B4GALNT3: variants seen among roughly 807,000 people sequenced by gnomAD.
The protein encoded by B4GALNT3 is beta-1,4-N-acetylgalactosaminyltransferase 3.
Under a neutral mutation model 120.2 loss-of-function variants are expected in B4GALNT3, and 86 were observed. The ratio of observed to expected loss-of-function variants is 0.72; its 90% confidence interval spans 0.60 to 0.86. The LOEUF is 0.86. Among genes scored for constraint, B4GALNT3 ranks in the 40% least tolerant of loss-of-function variants. The pLI, the probability that B4GALNT3 is intolerant of heterozygous loss-of-function variation, is 0.00. For missense variants in B4GALNT3, 1,167 were observed against 1,298.9 expected (o/e 0.90, Z 1.56); for synonymous variants, 518 against 510.4 (o/e 1.01, Z -0.20).
Position 554,746 on chromosome 12 carries a change from C to T in B4GALNT3, c.2060+763C>T, listed in dbSNP as rs185715949. 1.4e-3 allele frequency among the ~76,000 whole-genome samples: 162 copies of T among 114,462 alleles called. 8 individuals are homozygous for T. In the East Asian group the frequency reaches 0.04, roughly 28 times the overall value. The allele number at this position is 114,462 out of a possible 152,430, so 75.1% of individuals were successfully genotyped here. On this transcript the variant is annotated intron_variant, in intron 14 of 19. Coordinates refer to ENST00000266383, the MANE Select transcript of B4GALNT3 (RefSeq NM_173593.4). Reference sequence around the variant, plus strand: ...CGGAGCTTGCAGTGAGCTGAGATTGCGCCACTGCACTCCAGCCTGGGCGAC... The same window carrying T: ...CGGAGCTTGCAGTGAGCTGAGATTGTGCCACTGCACTCCAGCCTGGGCGAC...
intron 1 of B4GALNT3, among the ~76,000 whole-genome samples, chr12:472,337 G>C (rs1461029332): frequency 6.6e-6 from 1 of 152,212 alleles, no homozygotes; most frequent in Non-Finnish European, 1.5e-5. Context: ...CTGGAGTTTG[G>C]TGGCATGATC....
rs938611844 is a variant in B4GALNT3 at position 460,709 on chromosome 12, C to CG, written c.169+169dup. On this transcript the variant is annotated intron_variant, in intron 1 of 19. Transcript: ENST00000266383. This position sits in a 1 kb window ranked among gnomAD's most constrained non-coding sequence, Gnocchi z 8.0. ...GCGCGTACTCGGGGAGAGCTGCGGG[C>CG]GGGGGAAGCCGCGGGGCCGAGCGCA... Among the ~76,000 whole-genome samples the CG allele has an allele frequency of 5.9e-5, 9 of 151,982 alleles. No homozygotes were observed. The highest frequency in any genetic ancestry group is 1.2e-4 in the Non-Finnish European group (8 of 67,966).
At chr12:559,563 C>T (rs772360814) in intron 19 of B4GALNT3, 142 bp downstream of exon 19, 36 of 1,196,790 alleles carry the variant, frequency 3.0e-5, no homozygotes, top group Non-Finnish European at 4.0e-5. Flanking sequence ...CGGAGGACGC[C>T]CTCAAATCAC....
intron 1 of B4GALNT3, among the ~76,000 whole-genome samples, chr12:524,555 T>C (rs1035393862): frequency 6.6e-6 from 1 of 151,892 alleles, no homozygotes; most frequent in Non-Finnish European, 1.5e-5. Context: ...CTCAGGGCCA[T>C]ACCTCTTTCT....
intron 14 of B4GALNT3, chr12:555,318 T>G (rs1947139657): frequency 2.2e-6 from 1 of 456,388 alleles, no homozygotes; most frequent in Non-Finnish European, 4.4e-6. Flanking sequence ...TCCGGACATC[T>G]TATGCAAATG....
rs113976270 is a variant in B4GALNT3 at position 528,194 on chromosome 12, C to T, written c.170-6972C>T. The stretch of plus-strand genomic sequence containing the variant: ...ATTTTAACCTCTAAGCCTTCTTTTC[C>T]GGCTTATTCTATTAATTTTTAATTT... On this transcript the variant is annotated intron_variant, in intron 1 of 19. Transcript: ENST00000266383. 5.0e-3 allele frequency among the ~76,000 whole-genome samples: 765 copies of T among 152,138 alleles called. 5 individuals carry two copies. The highest frequency in any genetic ancestry group is 0.017 in the African/African-American group (716 of 41,480).
chr12:483,695 C>T (rs1245723432), intron 1 of B4GALNT3, among the ~76,000 whole-genome samples: 1 of 152,204 alleles, frequency 6.6e-6, no homozygotes, highest in Non-Finnish European at 1.5e-5. Context: ...GAGACCCTGT[C>T]CCCCACAATA....
chr12:541,625 T>C (rs529197311), intron 3 of B4GALNT3, among the ~76,000 whole-genome samples: 2 of 151,836 alleles, frequency 1.3e-5, no homozygotes, highest in South Asian at 2.1e-4. Flanking sequence ...AGCCTGAGAG[T>C]GGGGTGAAGC....
intron 19 of B4GALNT3, 145 bp downstream of exon 19, chr12:559,566 C>A: frequency 8.5e-7 from 1 of 1,182,934 alleles, no homozygotes; most frequent in Non-Finnish European, 1.2e-6. Flanking sequence ...AGGACGCCCT[C>A]AAATCACCGG....
intron 3 of B4GALNT3, chr12:543,347 G>A (rs542675905): frequency 9.3e-4 from 518 of 554,678 alleles, no homozygotes; most frequent in African/African-American, 8.8e-3. Flanking sequence ...TCACGCTCCC[G>A]GAGCTGAGGA....
At chr12:461,951 C>T (rs1312163635) in intron 1 of B4GALNT3, among the ~76,000 whole-genome samples, 1 of 152,100 alleles carries the variant, frequency 6.6e-6, no homozygotes, top group Non-Finnish European at 1.5e-5. Flanking sequence ...AGTCTGGATA[C>T]GAAGACTGAT....
intron 3 of B4GALNT3, among the ~76,000 whole-genome samples, chr12:541,174 G>A (rs1446975690): frequency 6.6e-6 from 1 of 152,236 alleles, no homozygotes; most frequent in Non-Finnish European, 1.5e-5. Context: ...GGCCCAGTGA[G>A]GGCCCGGCAG....
At chr12:485,722 T>C (rs1946284565) in intron 1 of B4GALNT3, among the ~76,000 whole-genome samples, 1 of 152,212 alleles carries the variant, frequency 6.6e-6, no homozygotes, top group South Asian at 2.1e-4. Flanking sequence ...TTATTATATA[T>C]AAATTATACT....
At chr12:513,360 C>T (rs569946868) in intron 1 of B4GALNT3, among the ~76,000 whole-genome samples, 5 of 152,364 alleles carry the variant, frequency 3.3e-5, no homozygotes, top group African/African-American at 9.6e-5. Context: ...GCTGGTTGCC[C>T]ATTTTATGCT....
chr12:468,792 C>T (rs1291773219), intron 1 of B4GALNT3, among the ~76,000 whole-genome samples: 1 of 152,228 alleles, frequency 6.6e-6, no homozygotes, highest in African/African-American at 2.4e-5. Flanking sequence ...TCTCTTCCAC[C>T]CATTTCTTCT....
chr12:557,964 G>T (rs1219269027), intron 16 of B4GALNT3, 52 bp from the exon 17 acceptor site: 1 of 1,587,676 alleles, frequency 6.3e-7, no homozygotes, highest in African/African-American at 1.3e-5. Context: ...CTTCCTCCAG[G>T]GGACCACCGC....
intron 1 of B4GALNT3, among the ~76,000 whole-genome samples, chr12:467,238 A>G (rs1482478818): frequency 2.0e-5 from 3 of 152,092 alleles, no homozygotes; most frequent in Non-Finnish European, 4.4e-5. Context: ...GCTCGGCCTC[A>G]TTTTAAAATG....
intron 1 of B4GALNT3, among the ~76,000 whole-genome samples, chr12:504,553 G>A (rs1038091666): frequency 2.8e-5 from 4 of 144,162 alleles, no homozygotes; most frequent in South Asian, 2.5e-4. Flanking sequence ...TCCGCCTCCC[G>A]GGCCCAAGCC....
intron 1 of B4GALNT3, among the ~76,000 whole-genome samples, chr12:525,086 T>TTTATTTATTTA (rs1946747937): frequency 7.7e-6 from 1 of 130,532 alleles, no homozygotes; most frequent in African/African-American, 2.5e-5. Context: ...AATAACACAA[T>TTTATTTATTTA]TTTATTTATT....
Sources: gnomAD v4.1 joint callset for allele counts (sites outside exome capture counted in the v4.1 genomes callset) on GRCh38, gnomAD v4.1.1 for gene constraint, Gnocchi (gnomAD v3.1) non-coding constraint, MANE v1.5 for transcripts, NCBI Gene and HGNC (gene_info 2026-07-23, HGNC 2026-07-21) for gene names.